Variants in NUCB2 observed in about 807,000 individuals in gnomAD.
NUCB2 encodes nucleobindin 2.
Under a neutral mutation model 57.9 loss-of-function variants are expected in NUCB2, and 48 were observed. The ratio of observed to expected loss-of-function variants is 0.83; its 90% CI spans 0.66 to 1.05. The LOEUF (loss-of-function observed/expected upper bound fraction) is 1.05. NUCB2 is among the 50% of genes least tolerant of loss of function. The pLI is 0.00. For synonymous variants in NUCB2, 139 were observed against 152.1 expected, an observed-to-expected ratio of 0.91 and a Z score of 0.64; for missense variants, 442 against 476.2, an observed-to-expected ratio of 0.93 and a Z score of 0.67.
intron 11 of NUCB2, among the ~76,000 whole-genome samples, chr11:17,328,226 T>C (rs1950935137): frequency 6.6e-6 from 1 of 152,244 alleles, no homozygotes; most frequent in Admixed American, 6.5e-5. Context: ...TCTTTTCCCT[T>C]ACTTTCTTCC....
intron 11 of NUCB2, among the ~76,000 whole-genome samples, chr11:17,329,217 A>G (rs1591577872): frequency 6.6e-6 from 1 of 152,098 alleles, no homozygotes; most frequent in Non-Finnish European, 1.5e-5. Context: ...GAAAGGAGTC[A>G]CTTTCATAGC....
chr11:17,289,772 C>T (rs1198459250), intron 2 of NUCB2, among the ~76,000 whole-genome samples: 1 of 152,168 alleles, frequency 6.6e-6, no homozygotes, highest in African/African-American at 2.4e-5. Context: ...AATCTTTTTA[C>T]CACCTTTAGC....
At position 17,310,750 on chromosome 11, in the gene NUCB2, A is replaced by G. The variant is rs372302732; in HGVS notation, c.484-75A>G. ...TACCACTTCTGTTCAAGAGTATGCTATATTCAAGAATGGCTTTATTTACAT... is the reference window on the plus strand; with the variant it reads ...TACCACTTCTGTTCAAGAGTATGCTGTATTCAAGAATGGCTTTATTTACAT... On this transcript the variant is annotated intron_variant, in intron 6 of 13. Transcript: ENST00000529010. 3.0e-4 allele frequency: 342 copies of G among 1,145,896 alleles called. 1 individual carries two copies. Among genetic ancestry groups the G allele is most frequent in the South Asian group, 1.6e-3 (112 of 71,358 alleles). The allele number at this position is 1,145,896 out of a possible 1,614,324, so 71.0% of individuals were successfully genotyped here.
At chr11:17,303,225 C>T (rs1026162570) in intron 5 of NUCB2, among the ~76,000 whole-genome samples, 3 of 152,104 alleles carry the variant, frequency 2.0e-5, no homozygotes, top group Non-Finnish European at 4.4e-5. Flanking sequence ...CATTAAAGAG[C>T]AGATTGTCAA....
intron 3 of NUCB2, 53 bp downstream of exon 3, chr11:17,295,520 T>C: frequency 1.5e-6 from 2 of 1,339,048 alleles, no homozygotes; most frequent in African/African-American, 1.5e-5. Context: ...AAATGAATTA[T>C]AATTGTAACT....
rs1031384025 is a variant in NUCB2, at chr11:17,331,984, T to G, written c.*565T>G. 3.9e-5 allele frequency: 6 copies of G among 152,230 alleles called. No homozygotes were observed. Among genetic ancestry groups the G allele is most frequent in the Non-Finnish European group, 7.3e-5 (5 of 68,044 alleles). The allele number at this position is 152,230 out of a possible 1,614,324, so 9.4% of individuals were successfully genotyped here. ...TTTTGCTACCACTTCAGGTCATTTT[T>G]CATTCTTTTTTATTTTGCTCTATAC... On this transcript the variant is annotated 3_prime_UTR_variant, in exon 14 of 14. Coordinates refer to ENST00000529010, the MANE Select transcript of NUCB2 (RefSeq NM_005013.4).
intron 11 of NUCB2, among the ~76,000 whole-genome samples, chr11:17,318,402 A>G (rs1057413726): frequency 2.0e-5 from 3 of 152,180 alleles, no homozygotes; most frequent in Non-Finnish European, 4.4e-5. Flanking sequence ...TTTAAAAGCT[A>G]TGGAGGTATA....
chr11:17,278,720 G>C (rs567204983), intron 1 of NUCB2, among the ~76,000 whole-genome samples: 1 of 151,984 alleles, frequency 6.6e-6, no homozygotes, highest in Non-Finnish European at 1.5e-5. Flanking sequence ...TGTCTTTTTT[G>C]TTTTGGGATA....
At chr11:17,288,137 C>T (rs1024551543) in intron 2 of NUCB2, among the ~76,000 whole-genome samples, 4 of 152,116 alleles carry the variant, frequency 2.6e-5, no homozygotes, top group Non-Finnish European at 5.9e-5. Flanking sequence ...GTGAAGAAGT[C>T]CTTAGAATAC....
intron 10 of NUCB2, among the ~76,000 whole-genome samples, chr11:17,314,424 C>T (rs1378354952): frequency 2.6e-5 from 4 of 152,162 alleles, no homozygotes; most frequent in African/African-American, 9.7e-5. Context: ...CCAAAAGATT[C>T]GTGACTTCAT....
chr11:17,301,175 G>A (rs1946662462), intron 4 of NUCB2, among the ~76,000 whole-genome samples: 1 of 150,768 alleles, frequency 6.6e-6, no homozygotes, highest in Admixed American at 6.6e-5. Context: ...GTTTCACCAT[G>A]TTGGCCGGGC....
chr11:17,291,767 T>C (rs1944983205), intron 2 of NUCB2, among the ~76,000 whole-genome samples: 1 of 152,142 alleles, frequency 6.6e-6, no homozygotes, highest in South Asian at 2.1e-4. Flanking sequence ...TCAGAGAGGA[T>C]AATGTTCCAT....
chr11:17,332,906 A>G (rs560338081), downstream of NUCB2: 2 of 152,040 alleles, frequency 1.3e-5, no homozygotes, highest in South Asian at 2.1e-4. Context: ...GAGATGGAGT[A>G]TTGCTATGTT....
intron 7 of NUCB2, 63 bp downstream of exon 7, chr11:17,311,073 T>G: frequency 1.4e-6 from 2 of 1,451,742 alleles, no homozygotes. Flanking sequence ...TCAGCGGATT[T>G]TTATTGTGTT....
intron 4 of NUCB2, among the ~76,000 whole-genome samples, chr11:17,298,017 G>T (rs1591332582): frequency 6.7e-6 from 1 of 150,270 alleles, no homozygotes; most frequent in East Asian, 2.0e-4. Flanking sequence ...GGGCGGCAGA[G>T]GTTGCAGTGA....
At chr11:17,283,468 A>G (rs1469450715) in intron 2 of NUCB2, 1 of 152,230 alleles carries the variant, frequency 6.6e-6, no homozygotes, top group African/African-American at 2.4e-5. Flanking sequence ...CAGCTCTGAA[A>G]TCTGTAAGCT....
intron 11 of NUCB2, among the ~76,000 whole-genome samples, chr11:17,328,560 AC>A (rs1950981475): frequency 6.6e-6 from 1 of 151,682 alleles, no homozygotes; most frequent in East Asian, 1.9e-4. Context: ...CAGGCAGAGG[AC>A]CCTCTCCCTG....
chr11:17,320,641 A>T (rs1949903722), intron 11 of NUCB2, among the ~76,000 whole-genome samples: 1 of 152,156 alleles, frequency 6.6e-6, no homozygotes, highest in South Asian at 2.1e-4. Flanking sequence ...TGGATGACAG[A>T]GCAAGACTCC....
chr11:17,320,890 C>T (rs953559815), intron 11 of NUCB2, among the ~76,000 whole-genome samples: 1 of 151,972 alleles, frequency 6.6e-6, no homozygotes, highest in Non-Finnish European at 1.5e-5. Flanking sequence ...AACACATTTC[C>T]AGAAATTGAA....
Sources: allele counts gnomAD v4.1 joint callset (sites outside exome capture counted in the v4.1 genomes callset), GRCh38; gene constraint gnomAD v4.1.1; transcripts MANE v1.5; gene names NCBI Gene and HGNC (gene_info 2026-07-23, HGNC 2026-07-21).